MIDEAS: variants seen among roughly 807,000 people sequenced by gnomAD.
MIDEAS encodes mitotic deacetylase associated SANT domain protein.
A neutral mutation model predicts 102.7 loss-of-function variants in MIDEAS; 26 were observed. The ratio of observed to expected loss-of-function variants is 0.25; its 90% CI spans 0.19 to 0.35. The LOEUF is 0.35. Among genes scored for constraint, MIDEAS ranks in the 10% least tolerant of loss-of-function variants. The pLI is 1.00. For missense variants in MIDEAS, 1,231 were observed against 1,435.6 expected, an observed-to-expected ratio of 0.86 and a Z score of 2.30; for synonymous variants, 585 against 591.0, an observed-to-expected ratio of 0.99 and a Z score of 0.15.
At chr14:73,752,432 C>T (rs1031871749) in intron 1 of MIDEAS, among the ~76,000 whole-genome samples, 2 of 152,184 alleles carry the variant, frequency 1.3e-5, no homozygotes, top group African/African-American at 4.8e-5. Flanking sequence ...AACCCAGGCT[C>T]TCCTGACTGG....
Position 73,719,350 on chromosome 14 carries a change from TTAC to T in MIDEAS, c.3086_3088del (p.Ser1029del), listed in dbSNP as rs749418425. The T allele has an allele frequency of 6.2e-6, 10 of 1,613,948 alleles. No homozygotes were observed. In the African/African-American group the frequency reaches 1.2e-4, roughly 19 times the overall value. Reference sequence around the variant, plus strand: ...GAAAGTGTTCTCCTGATTCTGGGTCTTACTGAATGTCTCTGTTTTTTTCTTCTT... The same window carrying T: ...GAAAGTGTTCTCCTGATTCTGGGTCTTGAATGTCTCTGTTTTTTTCTTCTT... On this transcript the variant is annotated inframe_deletion, in exon 12 of 13. Transcript: ENST00000423556.
intron 1 of MIDEAS, among the ~76,000 whole-genome samples, chr14:73,774,129 T>A (rs750201895): frequency 4.6e-5 from 7 of 151,414 alleles, no homozygotes; most frequent in Non-Finnish European, 1.0e-4. Flanking sequence ...CCTGGGATAA[T>A]GACAGGAAGC....
At chr14:73,758,425 C>T (rs2053511683) in intron 1 of MIDEAS, among the ~76,000 whole-genome samples, 1 of 152,206 alleles carries the variant, frequency 6.6e-6, no homozygotes, top group African/African-American at 2.4e-5. Context: ...CTTCACTAGG[C>T]CTTCAGTCTC....
At position 73,715,340 on chromosome 14, in the gene MIDEAS, AAC is replaced by A. The variant is rs1376883438; in HGVS notation, c.*3501_*3502del. 1.8e-4 allele frequency: 28 copies of A among 152,812 alleles called. No homozygotes were observed. Among genetic ancestry groups the A allele is most frequent in the African/African-American group, 2.6e-4 (11 of 41,594 alleles). The allele number at this position is 152,812 out of a possible 1,614,324, so 9.5% of individuals were successfully genotyped here. ...ATATATGTACACTATTTTAATATGT[AAC>A]AGTCTTTTTAAAAAAGGATGCCACA... is the stretch of plus-strand genomic sequence containing the variant. On this transcript the variant is annotated 3_prime_UTR_variant, in exon 13 of 13. Coordinates refer to ENST00000423556, the MANE Select transcript of MIDEAS (RefSeq NM_001367710.1).
chr14:73,764,510 C>T (rs535660061), upstream of MIDEAS, among the ~76,000 whole-genome samples: 14 of 152,246 alleles, frequency 9.2e-5, no homozygotes, highest in African/African-American at 2.6e-4. Flanking sequence ...ACGCTTCTCT[C>T]CCAGCCTGTT....
Position 73,737,240 on chromosome 14 carries a change from C to A in MIDEAS, c.1507G>T (p.Gly503Trp). 6.2e-7 allele frequency: 1 copy of A among 1,614,118 alleles called. No homozygotes were observed. Among genetic ancestry groups the A allele is most frequent in the Non-Finnish European group, 8.5e-7 (1 of 1,179,982 alleles). The stretch of plus-strand genomic sequence containing the variant: ...AAGGAAGGCTCAGAAAACTCCACCC[C>A]ACACTTGGTAGTTGAGGCCAATACA... Reference protein sequence around the residue: ...KSVLASTTKCGVEFSEPSLAT... With the variant: ...KSVLASTTKCWVEFSEPSLAT... The change falls in exon 3 of 13, where the codon GGG becomes TGG. Residue 503 changes from glycine (G) to tryptophan (W), a missense_variant. Around this residue, in one of 5 missense-constraint regions of MIDEAS, gnomAD observed 758 missense variants for 856.0 expected, o/e 0.89. Transcript: ENST00000423556.
chr14:73,726,114 G>A lies in MIDEAS; in HGVS notation c.2410-6C>T. On this transcript the variant is annotated splice_polypyrimidine_tract_variant and splice_region_variant and intron_variant, in intron 7 of 12. Coordinates refer to ENST00000423556, the MANE Select transcript of MIDEAS (RefSeq NM_001367710.1). ...AGCAGCTTATTCAGCGTTTCCTGGA[G>A]GGGAAGTGAGGGAAGGGTCAGGGCA... 6.3e-7 allele frequency: 1 copy of A among 1,583,850 alleles called. No homozygotes were observed. Among genetic ancestry groups the A allele is most frequent in the Non-Finnish European group, 8.6e-7 (1 of 1,165,174 alleles).
intron 1 of MIDEAS, among the ~76,000 whole-genome samples, chr14:73,785,234 C>T (rs2053795841): frequency 6.6e-6 from 1 of 152,212 alleles, no homozygotes; most frequent in Non-Finnish European, 1.5e-5. Flanking sequence ...GCCTTTTTTA[C>T]TGTGTTTTAA....
intron 1 of MIDEAS, among the ~76,000 whole-genome samples, chr14:73,757,128 C>T (rs1255755133): frequency 1.3e-5 from 2 of 151,500 alleles, no homozygotes; most frequent in Non-Finnish European, 2.9e-5. Context: ...AAAAATTAGC[C>T]AGGTGTGGTG....
At chr14:73,757,467 C>T (rs1310378030) in intron 1 of MIDEAS, among the ~76,000 whole-genome samples, 1 of 152,078 alleles carries the variant, frequency 6.6e-6, no homozygotes, top group Non-Finnish European at 1.5e-5. Context: ...TTGTTTTTGA[C>T]CACCACACTG....
chr14:73,786,169 G>A (rs891210533), intron 1 of MIDEAS, among the ~76,000 whole-genome samples: 1 of 152,162 alleles, frequency 6.6e-6, no homozygotes, highest in Non-Finnish European at 1.5e-5. Context: ...CCCCGCCGCC[G>A]CCGCTACAGT....
At chr14:73,783,424 G>A (rs568963046) in intron 1 of MIDEAS, among the ~76,000 whole-genome samples, 1 of 152,280 alleles carries the variant, frequency 6.6e-6, no homozygotes, top group East Asian at 1.9e-4. Context: ...CACACAGAGT[G>A]GGTCACCGGG....
upstream of MIDEAS, among the ~76,000 whole-genome samples, chr14:73,764,364 CAAAA>C (rs2053577523): frequency 4.8e-5 from 6 of 123,926 alleles, no homozygotes; most frequent in African/African-American, 1.8e-4. Context: ...AAAAAAAAAA[CAAAA>C]CAAAACAAAA....
intron 4 of MIDEAS, chr14:73,728,083 GC>G (rs2053088512): frequency 6.6e-6 from 1 of 150,890 alleles, no homozygotes; most frequent in African/African-American, 2.5e-5. Flanking sequence ...CTCTGTCTCC[GC>G]CCAGGCTGGA....
At chr14:73,743,452 C>T (rs1235096035) in intron 1 of MIDEAS, among the ~76,000 whole-genome samples, 2 of 152,146 alleles carry the variant, frequency 1.3e-5, no homozygotes, top group Non-Finnish European at 2.9e-5. Context: ...CCGATCTAGG[C>T]CTGGACTCTC....
exon 1 of MIDEAS, chr14:73,787,157 C>G (rs893645450): frequency 2.0e-5 from 3 of 149,514 alleles, no homozygotes; most frequent in African/African-American, 7.3e-5. Context: ...GCGAGTGCGG[C>G]CCGCAGACTC....
intron 1 of MIDEAS, among the ~76,000 whole-genome samples, chr14:73,754,587 C>A (rs1310221461): frequency 6.6e-6 from 1 of 152,196 alleles, no homozygotes; most frequent in Non-Finnish European, 1.5e-5. Flanking sequence ...AAGCATCTCA[C>A]CACCTCTCGG....
chr14:73,728,859 G>A (rs2053099417), intron 4 of MIDEAS: 1 of 152,282 alleles, frequency 6.6e-6, no homozygotes, highest in African/African-American at 2.4e-5. Flanking sequence ...GCCTCCCCAG[G>A]AAGCAGTACA....
chr14:73,744,910 A>T (rs774026107), intron 1 of MIDEAS, among the ~76,000 whole-genome samples: 16 of 152,044 alleles, frequency 1.1e-4, no homozygotes, highest in Non-Finnish European at 2.2e-4. Context: ...CCTATAACAC[A>T]CTGTATATGG....
Sources: allele counts gnomAD v4.1 joint callset (sites outside exome capture counted in the v4.1 genomes callset), GRCh38; gene constraint gnomAD v4.1.1; regional missense constraint gnomAD v4.1.1; transcripts MANE v1.5; gene names NCBI Gene and HGNC (gene_info 2026-07-23, HGNC 2026-07-21).